The following ARMH3 variants were observed in gnomAD, a reference collection of about 807,000 sequenced individuals.
ARMH3 encodes the protein armadillo like helical domain containing 3, also known as armadillo-like helical domain-containing protein 3.
Under a neutral mutation model 99.1 loss-of-function variants are expected in ARMH3, and 60 were observed. The observed-to-expected ratio is 0.61, with a 90% CI of 0.49 to 0.75. ARMH3 has a LOEUF of 0.75. ARMH3 is among the 30% of genes least tolerant of loss of function. The pLI, the probability that ARMH3 is intolerant of heterozygous loss-of-function variation, is 0.00. For synonymous variants in ARMH3, 285 were observed against 292.8 expected (o/e 0.97, Z 0.27); for missense variants, 679 against 843.1 (o/e 0.81, Z 2.41).
At chr10:102,032,999 G>A (rs754115092) in intron 4 of ARMH3, 27 bp downstream of exon 4, 96 of 1,610,768 alleles carry the variant, frequency 6.0e-5, no homozygotes, top group Non-Finnish European at 8.1e-5. Flanking sequence ...TGTTAAACAA[G>A]ACTTCCCCAG....
intron 2 of ARMH3, among the ~76,000 whole-genome samples, chr10:102,038,632 G>A (rs1286887664): frequency 6.6e-6 from 1 of 152,054 alleles, no homozygotes; most frequent in African/African-American, 2.4e-5. Context: ...GTTAAATGAG[G>A]ATACTACCAG....
chr10:102,017,559 G>A (rs1564852480), intron 8 of ARMH3, among the ~76,000 whole-genome samples: 1 of 152,188 alleles, frequency 6.6e-6, no homozygotes, highest in Non-Finnish European at 1.5e-5. Flanking sequence ...ACTGATGATA[G>A]TGTGTTCCTA....
intron 8 of ARMH3, among the ~76,000 whole-genome samples, chr10:102,020,039 C>T (rs1374997993): frequency 6.8e-6 from 1 of 147,858 alleles, no homozygotes; most frequent in Non-Finnish European, 1.5e-5. Context: ...TGGTCTCAAA[C>T]ATGTCAAACA....
chr10:101,914,913 CTTA>C (rs973773034), intron 23 of ARMH3, among the ~76,000 whole-genome samples: 9 of 143,438 alleles, frequency 6.3e-5, no homozygotes, highest in African/African-American at 2.3e-4. Context: ...TCTTATAATT[CTTA>C]TAATTTATTT....
chr10:101,845,766 C>G lies in ARMH3; in HGVS notation c.*1762G>C, dbSNP rs527548332. ...GATCTCTTAAGAACCTACATCTACA[C>G]ATGGCAGCCTGTTAGTGGCTTCTCT... On this transcript the variant is annotated 3_prime_UTR_variant, in exon 26 of 26. Transcript: ENST00000370033. The G allele has an allele frequency of 8.5e-5, 13 of 152,330 alleles. No individual in the cohort carries two copies. The highest frequency in any genetic ancestry group is 8.5e-4 in the Admixed American group (13 of 15,304). The allele number at this position is 152,330 out of a possible 1,614,324, so 9.4% of individuals were successfully genotyped here.
At chr10:102,031,511 C>A (rs1460572220) in intron 4 of ARMH3, among the ~76,000 whole-genome samples, 2 of 152,146 alleles carry the variant, frequency 1.3e-5, no homozygotes, top group Admixed American at 1.3e-4. Context: ...TTCATTGAGC[C>A]CCTATGCTAC....
At chr10:102,025,076 C>G (rs2066971816) in intron 6 of ARMH3, 80 bp downstream of exon 6, 2 of 1,195,226 alleles carry the variant, frequency 1.7e-6, no homozygotes, top group Admixed American at 1.8e-5. Flanking sequence ...TCTCTTTTTC[C>G]TTCTATCTTT....
chr10:102,041,707 A>G (rs2067430524), intron 1 of ARMH3, among the ~76,000 whole-genome samples: 2 of 151,876 alleles, frequency 1.3e-5, no homozygotes, highest in South Asian at 4.2e-4. Context: ...CTGGAGTACA[A>G]TGGCGTGATC....
intron 23 of ARMH3, among the ~76,000 whole-genome samples, chr10:101,891,184 G>GTTT (rs991328637): frequency 6.6e-6 from 1 of 150,564 alleles, no homozygotes; most frequent in African/African-American, 2.4e-5. Flanking sequence ...CTGACTGGTA[G>GTTT]TTTCTTTCTT....
intron 15 of ARMH3, among the ~76,000 whole-genome samples, chr10:101,997,744 T>C (rs927638421): frequency 6.6e-6 from 1 of 152,156 alleles, no homozygotes; most frequent in Non-Finnish European, 1.5e-5. Context: ...AGTTATGCTA[T>C]TTATTATAGT....
At chr10:101,948,658 C>T (rs1844658310) in intron 22 of ARMH3, among the ~76,000 whole-genome samples, 1 of 152,034 alleles carries the variant, frequency 6.6e-6, no homozygotes, top group Non-Finnish European at 1.5e-5. Context: ...ACAATTACAG[C>T]TGAATGTTTC....
intron 8 of ARMH3, among the ~76,000 whole-genome samples, chr10:102,020,206 T>G (rs1233383735): frequency 6.6e-6 from 1 of 151,980 alleles, no homozygotes; most frequent in Non-Finnish European, 1.5e-5. Flanking sequence ...AAAAATTTAA[T>G]AAATTTAACG....
At chr10:101,878,239 CAG>C (rs1257282335) in intron 24 of ARMH3, among the ~76,000 whole-genome samples, 4 of 152,282 alleles carry the variant, frequency 2.6e-5, no homozygotes, top group African/African-American at 4.8e-5. Flanking sequence ...GCCTGGGCGA[CAG>C]AGAGAGACTC....
At chr10:101,985,076 TATACACAC>T (rs1196840734) in intron 19 of ARMH3, among the ~76,000 whole-genome samples, 6 of 129,126 alleles carry the variant, frequency 4.6e-5, no homozygotes, top group East Asian at 4.3e-4. Context: ...TAAAAATATA[TATACACAC>T]ACACACACAC....
At position 101,845,669 on chromosome 10, in the gene ARMH3, A is replaced by G. The variant is rs41291492; in HGVS notation, c.*1859T>C. The G allele has an allele frequency of 0.059, 8,915 of 152,286 alleles. 273 individuals carry two copies. Among genetic ancestry groups the G allele is most frequent in the Middle Eastern group, 0.099 (29 of 294 alleles). 9.4% of individuals were successfully genotyped at this position (152,286 alleles called of 1,614,324 possible). A position where few individuals can be genotyped will look rare whatever the true frequency, so the allele number is the denominator to read the frequency against. On this transcript the variant is annotated 3_prime_UTR_variant, in exon 26 of 26. Coordinates refer to ENST00000370033, the MANE Select transcript of ARMH3 (RefSeq NM_024541.3). ...AGCTCCAAATCCAGCTGCCTTGGGG[A>G]TTTATCACCAGGGAAAACACTAAAT... is the stretch of plus-strand genomic sequence containing the variant.
At chr10:101,960,932 G>C (rs1037631735) in intron 20 of ARMH3, among the ~76,000 whole-genome samples, 1 of 151,308 alleles carries the variant, frequency 6.6e-6, no homozygotes. Flanking sequence ...ATAAAGGTGC[G>C]AGATCAAGCT....
chr10:102,045,899 A>G (rs1292396270), intron 1 of ARMH3, among the ~76,000 whole-genome samples: 1 of 152,124 alleles, frequency 6.6e-6, no homozygotes, highest in Non-Finnish European at 1.5e-5. Context: ...GTTCGAGACC[A>G]GCCTAACCAA....
Position 102,040,007 on chromosome 10 carries a change from C to T in ARMH3, c.102+6G>A. ...AAGCTGTACACAACAAGGCCGCAGGCCTTACCATGAAGATCTCATCATACA... is the reference window on the plus strand; with the variant it reads ...AAGCTGTACACAACAAGGCCGCAGGTCTTACCATGAAGATCTCATCATACA... On this transcript the variant is annotated splice_donor_region_variant and intron_variant, in intron 2 of 25. Transcript: ENST00000370033. The T allele has an allele frequency of 6.2e-7, 1 of 1,612,306 alleles. No individual in the cohort carries two copies. The highest frequency in any genetic ancestry group is 8.5e-7 in the Non-Finnish European group (1 of 1,178,322).
At chr10:101,960,891 A>G (rs1440377958) in intron 20 of ARMH3, among the ~76,000 whole-genome samples, 2 of 91,348 alleles carry the variant, frequency 2.2e-5, no homozygotes, top group Non-Finnish European at 5.9e-5. Flanking sequence ...CTCCGTCTCA[A>G]AAAAAAAAAA....
Sources: gnomAD v4.1 joint callset for allele counts (sites outside exome capture counted in the v4.1 genomes callset) on GRCh38, gnomAD v4.1.1 for gene constraint, MANE v1.5 for transcripts, NCBI Gene and HGNC (gene_info 2026-07-23, HGNC 2026-07-21) for gene names.